The following VPS13A variants were observed in gnomAD, a reference collection of about 807,000 sequenced individuals.
The protein encoded by VPS13A is vacuolar protein sorting 13 homolog A, also known as intermembrane lipid transfer protein VPS13A.
A neutral mutation model predicts 390.9 loss-of-function variants in VPS13A; 264 were observed. The observed-to-expected ratio is 0.68, with a 90% CI of 0.61 to 0.75. The LOEUF (loss-of-function observed/expected upper bound fraction) is 0.75. Ranked by LOEUF, VPS13A falls within the 30% of genes least tolerant of loss-of-function variation. The pLI is 0.00. For synonymous variants in VPS13A, 1,231 were observed against 1,227.1 expected (o/e 1.00, Z -0.07); for missense variants, 3,409 against 3,733.9 (o/e 0.91, Z 2.27).
intron 54 of VPS13A, among the ~76,000 whole-genome samples, chr9:77,354,843 A>G (rs1285654034): frequency 1.3e-5 from 2 of 152,106 alleles, no homozygotes; most frequent in South Asian, 2.1e-4. Flanking sequence ...GCGTTTGCAT[A>G]CTACTTGCTG....
chr9:77,328,532 A>T (rs1159939968), intron 45 of VPS13A, among the ~76,000 whole-genome samples: 2 of 152,198 alleles, frequency 1.3e-5, no homozygotes, highest in Admixed American at 6.5e-5. Context: ...TCTTCTTGCA[A>T]CAGAAGGCTG....
Position 77,308,032 on chromosome 9 carries a change from G to A in VPS13A, c.4048G>A (p.Ala1350Thr), listed in dbSNP as rs754634639. 5 of 1,613,510 alleles carry A rather than the reference G, an allele frequency of 3.1e-6. No individual in the cohort carries two copies. The highest frequency in any genetic ancestry group is 1.1e-5 in the South Asian group (1 of 91,072). Residue 1350 changes from alanine (A) to threonine (T), a missense_variant, in exon 35 of 72, where the codon GCT (alanine) becomes ACT (threonine). Ala to Thr is a moderately conservative substitution (Grantham distance 58). Around this residue, in one of 5 missense-constraint regions of VPS13A, gnomAD observed 2,717 missense variants for 2,917.4 expected, o/e 0.93. Transcript: ENST00000360280. ...TGAAAAAGATGGTAGTGCCTCACCT[G>A]CTGTAACAAAAGACCAATACAGTGC... Reference protein sequence around the residue: ...WYEKDGSASPAVTKDQYSATS... With the variant: ...WYEKDGSASPTVTKDQYSATS...
chr9:77,242,015 G>A (rs1184546384), intron 19 of VPS13A, among the ~76,000 whole-genome samples: 1 of 152,068 alleles, frequency 6.6e-6, no homozygotes, highest in African/African-American at 2.4e-5. Flanking sequence ...TTTGTCTTCT[G>A]TTTCCTGTGT....
intron 1 of VPS13A, among the ~76,000 whole-genome samples, chr9:77,190,240 T>C (rs1824593339): frequency 6.6e-6 from 1 of 152,220 alleles, no homozygotes; most frequent in Non-Finnish European, 1.5e-5. Context: ...TTTTCATAGA[T>C]GGCTCTTATT....
chr9:77,303,356 TTAGA>T (rs1222965284), intron 34 of VPS13A, among the ~76,000 whole-genome samples: 2 of 152,156 alleles, frequency 1.3e-5, no homozygotes, highest in African/African-American at 2.4e-5. Context: ...ATAGTAGTAG[TTAGA>T]TAGTAAAAAA....
intron 2 of VPS13A, among the ~76,000 whole-genome samples, chr9:77,200,582 C>A (rs115823302): frequency 0.013 from 2,050 of 152,018 alleles, 50 homozygotes; most frequent in African/African-American, 0.046. Flanking sequence ...TTAAGACAGG[C>A]TCATGCTGTG....
chr9:77,398,574 A>G (rs1181611155), intron 68 of VPS13A, among the ~76,000 whole-genome samples: 1 of 152,170 alleles, frequency 6.6e-6, no homozygotes, highest in Non-Finnish European at 1.5e-5. Context: ...AGCTTCTTAT[A>G]TAATGCATTC....
intron 1 of VPS13A, among the ~76,000 whole-genome samples, chr9:77,194,856 G>T (rs1824896577): frequency 6.6e-6 from 1 of 151,952 alleles, no homozygotes; most frequent in African/African-American, 2.4e-5. Flanking sequence ...TGATGGCCTG[G>T]TCTCTTGGTG....
At chr9:77,223,847 T>G (rs1426367782) in intron 13 of VPS13A, among the ~76,000 whole-genome samples, 2 of 152,026 alleles carry the variant, frequency 1.3e-5, no homozygotes, top group Non-Finnish European at 2.9e-5. Context: ...TAACAGCCTT[T>G]TACTGAGAGA....
At chr9:77,190,349 A>G (rs955648411) in intron 1 of VPS13A, among the ~76,000 whole-genome samples, 26 of 152,150 alleles carry the variant, frequency 1.7e-4, no homozygotes, top group African/African-American at 5.3e-4. Flanking sequence ...AAAGATGATC[A>G]TGTGGTTTTT....
At chr9:77,264,239 G>A (rs1021160051) in intron 23 of VPS13A, among the ~76,000 whole-genome samples, 1 of 152,108 alleles carries the variant, frequency 6.6e-6, no homozygotes, top group South Asian at 2.1e-4. Context: ...GATGCCTCCA[G>A]CTTTGTTCTT....
chr9:77,229,525 A>G (rs917871730), intron 17 of VPS13A, among the ~76,000 whole-genome samples: 4 of 152,238 alleles, frequency 2.6e-5, no homozygotes, highest in African/African-American at 9.6e-5. Context: ...ATGTAGTCAT[A>G]CAATATCTGG....
chr9:77,281,403 A>G lies in VPS13A; in HGVS notation c.2905-464A>G, dbSNP rs557637375. On this transcript the variant is annotated intron_variant, in intron 27 of 71. Transcript: ENST00000360280. ...ATATCAAAACATCACATTGTCCTCC[A>G]TAAGTGTATATAATTATGATTTGTC... is the stretch of plus-strand genomic sequence containing the variant. Among the ~76,000 whole-genome samples, 6 of 152,298 alleles carry G rather than the reference A, an allele frequency of 3.9e-5. No homozygotes were observed. The South Asian group carries it at 6.2e-4, about 16-fold the overall frequency.
intron 44 of VPS13A, among the ~76,000 whole-genome samples, chr9:77,322,052 C>T (rs1432503231): frequency 2.6e-5 from 4 of 151,682 alleles, no homozygotes; most frequent in Admixed American, 6.6e-5. Flanking sequence ...TTTTATAGAC[C>T]GTGGATGTTT....
At chr9:77,382,236 A>G in intron 68 of VPS13A, 149 bp downstream of exon 68, 1 of 1,425,960 alleles carries the variant, frequency 7.0e-7, no homozygotes, top group Non-Finnish European at 9.3e-7. Flanking sequence ...TTAGATTTTA[A>G]AGTACATTTA....
In VPS13A at chr9:77,383,908, G is replaced by T. The variant is rs375182304; in HGVS notation, c.9189+1821G>T. ...CAAGTACCTTGGGATGTTGCAGTTAGCATTTTTTTCTTACAGGTATAAAAA... is the reference window on the plus strand; with the variant it reads ...CAAGTACCTTGGGATGTTGCAGTTATCATTTTTTTCTTACAGGTATAAAAA... On this transcript the variant is annotated intron_variant, in intron 68 of 71. Coordinates refer to ENST00000360280, the MANE Select transcript of VPS13A (RefSeq NM_033305.3). Among the ~76,000 whole-genome samples, 659 of 150,914 alleles carry T rather than the reference G, an allele frequency of 4.4e-3. 13 individuals are homozygous for T. The highest frequency in any genetic ancestry group is 0.043 in the South Asian group (206 of 4,796).
chr9:77,272,458 G>A (rs1328198638), intron 23 of VPS13A, among the ~76,000 whole-genome samples: 2 of 152,174 alleles, frequency 1.3e-5, no homozygotes, highest in East Asian at 1.9e-4. Context: ...CTCACCAACA[G>A]TATAGTGGAC....
intron 23 of VPS13A, among the ~76,000 whole-genome samples, chr9:77,268,139 C>T (rs1332496935): frequency 3.3e-5 from 5 of 152,190 alleles, no homozygotes; most frequent in African/African-American, 1.2e-4. Flanking sequence ...GCTTCAGCCC[C>T]CTTTCCAAGG....
At chr9:77,305,084 A>G (rs1318738694) in intron 34 of VPS13A, among the ~76,000 whole-genome samples, 5 of 151,932 alleles carry the variant, frequency 3.3e-5, no homozygotes, top group Non-Finnish European at 7.4e-5. Context: ...GACTACAGGC[A>G]TCCGCCACCG....
Sources: allele counts gnomAD v4.1 joint callset (sites outside exome capture counted in the v4.1 genomes callset), GRCh38; gene constraint gnomAD v4.1.1; regional missense constraint gnomAD v4.1.1; transcripts MANE v1.5; gene names NCBI Gene and HGNC (gene_info 2026-07-23, HGNC 2026-07-21).